NARS2: variants seen among roughly 807,000 people sequenced by gnomAD.
NARS2 encodes the protein asparaginyl-tRNA synthetase.
NARS2 carries 60 observed loss-of-function variants against 62.9 expected under a neutral mutation model. The observed-to-expected ratio is 0.95, with a 90% CI of 0.77 to 1.18. The LOEUF is 1.18. Ranked by LOEUF, NARS2 falls within the 50% of genes most tolerant of loss-of-function variation. The pLI, the probability that NARS2 is intolerant of heterozygous loss-of-function variation, is 0.00. For synonymous variants in NARS2, 196 were observed against 200.0 expected (o/e 0.98, Z 0.17); for missense variants, 619 against 576.4 (o/e 1.07, Z -0.76).
At chr11:78,541,847 G>A (rs567184281) in intron 5 of NARS2, among the ~76,000 whole-genome samples, 1 of 152,296 alleles carries the variant, frequency 6.6e-6, no homozygotes, top group South Asian at 2.1e-4. Context: ...TGCAGAAATT[G>A]TTCTGCATGC....
At chr11:78,444,317 G>GAGTT (rs1481844338) in intron 11 of NARS2, among the ~76,000 whole-genome samples, 2 of 152,050 alleles carry the variant, frequency 1.3e-5, no homozygotes, top group Non-Finnish European at 2.9e-5. Flanking sequence ...TGGCAATGAA[G>GAGTT]AGTTTAATTT....
chr11:78,438,194 T>C (rs1857469864), intron 13 of NARS2, among the ~76,000 whole-genome samples: 1 of 152,102 alleles, frequency 6.6e-6, no homozygotes, highest in Non-Finnish European at 1.5e-5. Context: ...TCTAAGCACT[T>C]ATCTTTTTAA....
intron 3 of NARS2, among the ~76,000 whole-genome samples, chr11:78,567,591 G>A (rs1590875654): frequency 6.6e-6 from 1 of 151,976 alleles, no homozygotes. Flanking sequence ...TCTATATTAC[G>A]CTCTTGATTT....
At chr11:78,543,817 G>A (rs975533494) in intron 5 of NARS2, among the ~76,000 whole-genome samples, 1 of 152,004 alleles carries the variant, frequency 6.6e-6, no homozygotes, top group African/African-American at 2.4e-5. Context: ...CAGACCACGA[G>A]GTCAAGAGAT....
At chr11:78,565,646 T>C (rs1247118506) in intron 4 of NARS2, among the ~76,000 whole-genome samples, 3 of 152,198 alleles carry the variant, frequency 2.0e-5, no homozygotes, top group Non-Finnish European at 2.9e-5. Context: ...GGTAGATCAG[T>C]GCATTTGTGT....
rs1857420959 is a variant in NARS2, at chr11:78,436,726, C to CA, written c.1377dup (p.Asp460Ter). ...AAAGGGATAACATCTTTGATATTGTCAACACCCAAGATGCACTGCAGGTAG... is the reference window on the plus strand; with the variant it reads ...AAAGGGATAACATCTTTGATATTGTCAAACACCCAAGATGCACTGCAGGTAG... On this transcript the variant is annotated frameshift_variant, in exon 14 of 14. Transcript: ENST00000281038. LOFTEE classifies it high-confidence loss of function. 1 of 1,614,044 alleles carries CA rather than the reference C, an allele frequency of 6.2e-7. No homozygotes were observed. Among genetic ancestry groups the CA allele is most frequent in the African/African-American group, 1.3e-5 (1 of 74,920 alleles).
intron 4 of NARS2, among the ~76,000 whole-genome samples, chr11:78,563,578 A>G (rs1014851095): frequency 1.7e-4 from 25 of 151,040 alleles, no homozygotes; most frequent in African/African-American, 5.3e-4. Context: ...CACGCCCGCA[A>G]TCCCAGCACT....
At chr11:78,497,745 T>C (rs1458057222) in intron 6 of NARS2, among the ~76,000 whole-genome samples, 1 of 152,184 alleles carries the variant, frequency 6.6e-6, no homozygotes, top group Admixed American at 6.5e-5. Flanking sequence ...CTTTTCAGCT[T>C]TCCCCTATCT....
intron 9 of NARS2, among the ~76,000 whole-genome samples, chr11:78,474,578 G>A (rs941993284): frequency 3.3e-5 from 5 of 152,150 alleles, no homozygotes; most frequent in African/African-American, 1.2e-4. Context: ...AGAAACCTCA[G>A]GAGAGGATCC....
intron 7 of NARS2, among the ~76,000 whole-genome samples, chr11:78,488,340 C>A (rs563914465): frequency 6.6e-6 from 1 of 151,708 alleles, no homozygotes; most frequent in Admixed American, 6.6e-5. Flanking sequence ...GGATCCTTTA[C>A]GTGAAAGAGG....
intron 1 of NARS2, 146 bp downstream of exon 1, chr11:78,574,202 A>C (rs1057291181): frequency 2.0e-6 from 2 of 995,760 alleles, no homozygotes; most frequent in South Asian, 3.0e-5. Context: ...TGGAAATCAG[A>C]AAAGTGCAAA....
At chr11:78,439,199 G>T (rs1857501633) in intron 13 of NARS2, among the ~76,000 whole-genome samples, 2 of 151,946 alleles carry the variant, frequency 1.3e-5, no homozygotes, top group South Asian at 4.2e-4. Flanking sequence ...CACCACGCTG[G>T]GCTAATGTTT....
chr11:78,454,256 A>ATT (rs1858073199), intron 11 of NARS2, among the ~76,000 whole-genome samples: 1 of 151,952 alleles, frequency 6.6e-6, no homozygotes, highest in Non-Finnish European at 1.5e-5. Flanking sequence ...TATGGTTTGG[A>ATT]TATTTGTGCC....
At chr11:78,556,075 G>C (rs1017822707) in intron 5 of NARS2, among the ~76,000 whole-genome samples, 1 of 152,148 alleles carries the variant, frequency 6.6e-6, no homozygotes, top group Admixed American at 6.5e-5. Context: ...TACATTTGTT[G>C]AAGATTGTTT....
intron 5 of NARS2, among the ~76,000 whole-genome samples, chr11:78,544,263 C>A (rs1208179689): frequency 6.6e-6 from 1 of 152,090 alleles, no homozygotes; most frequent in Non-Finnish European, 1.5e-5. Flanking sequence ...AGACTCACAG[C>A]CAATATTCTT....
intron 9 of NARS2, among the ~76,000 whole-genome samples, chr11:78,472,034 T>C (rs146406389): frequency 5.3e-4 from 81 of 152,292 alleles, no homozygotes; most frequent in African/African-American, 1.9e-3. Context: ...TTTTGTACCA[T>C]TGGTATGTTA....
chr11:78,491,085 A>C (rs1262238694), intron 7 of NARS2, among the ~76,000 whole-genome samples: 1 of 152,244 alleles, frequency 6.6e-6, no homozygotes, highest in African/African-American at 2.4e-5. Context: ...AAAGCTACTT[A>C]AGGAATGCCA....
rs1859217484 is a variant in NARS2, at chr11:78,478,701, G to A, written c.823-18C>T. On this transcript the variant is annotated intron_variant, in intron 7 of 13. Transcript: ENST00000281038. ...TCTATAACCTAAGAGAAATGAAATA[G>A]AATCACCTGACACGTAAGCAATTTT... 6.6e-7 allele frequency: 1 copy of A among 1,515,430 alleles called. No homozygotes were observed. The highest frequency in any genetic ancestry group is 9.1e-7 in the Non-Finnish European group (1 of 1,104,272). 93.9% of individuals were successfully genotyped at this position (1,515,430 alleles called of 1,614,324 possible).
chr11:78,548,201 A>G (rs1855952188), intron 5 of NARS2, among the ~76,000 whole-genome samples: 1 of 152,200 alleles, frequency 6.6e-6, no homozygotes, highest in African/African-American at 2.4e-5. Flanking sequence ...CCTGGGTGAC[A>G]GCAAAACTGT....
Sources: allele counts gnomAD v4.1 joint callset (sites outside exome capture counted in the v4.1 genomes callset), GRCh38; gene constraint gnomAD v4.1.1; transcripts MANE v1.5; gene names NCBI Gene and HGNC (gene_info 2026-07-23, HGNC 2026-07-21).